Variants in TNFSF11 observed in about 807,000 individuals in gnomAD.
TNFSF11 encodes the protein TNF superfamily member 11, also known as tumor necrosis factor ligand superfamily member 11.
Under a neutral mutation model 32.2 loss-of-function variants are expected in TNFSF11, and 12 were observed. That is an observed-to-expected ratio of 0.37 (90% CI 0.24 to 0.60). The LOEUF is 0.60. Ranked by LOEUF, TNFSF11 falls within the 20% of genes least tolerant of loss-of-function variation. TNFSF11 has a pLI of 0.66. For synonymous variants in TNFSF11, 172 were observed against 152.1 expected (o/e 1.13, Z -0.96); for missense variants, 345 against 398.0 (o/e 0.87, Z 1.13).
chr13:42,586,923 C>T (rs1490902900), intron 2 of TNFSF11, among the ~76,000 whole-genome samples: 1 of 152,146 alleles, frequency 6.6e-6, no homozygotes, highest in Non-Finnish European at 1.5e-5. Flanking sequence ...TCACAATATC[C>T]TCTGATATTA....
Position 42,607,172 on chromosome 13 carries a change from C to A in TNFSF11, c.*254C>A, listed in dbSNP as rs1039171866. On this transcript the variant is annotated 3_prime_UTR_variant, in exon 5 of 5. Transcript: ENST00000398795. The stretch of plus-strand genomic sequence containing the variant: ...TTCCTAGAATTAAACCAGATTGGAG[C>A]AATTACGGGGTGACCTTATGAGAAA... 2.3e-5 allele frequency: 11 copies of A among 475,150 alleles called. No homozygotes were observed. The East Asian group carries it at 4.0e-4, about 17-fold the overall frequency. 29.4% of individuals were successfully genotyped at this position (475,150 alleles called of 1,614,324 possible).
At chr13:42,594,868 A>G (rs1174487801) in intron 2 of TNFSF11, among the ~76,000 whole-genome samples, 3 of 152,278 alleles carry the variant, frequency 2.0e-5, no homozygotes, top group African/African-American at 7.2e-5. Context: ...AATCACATTG[A>G]TCTTTTGTGT....
chr13:42,563,491 T>C (rs1222400347), intron 1 of TNFSF11, among the ~76,000 whole-genome samples: 1 of 152,030 alleles, frequency 6.6e-6, no homozygotes, highest in East Asian at 1.9e-4. Flanking sequence ...GGTAAAACCT[T>C]GTCTCTACCA....
At chr13:42,575,758 A>G (rs1167117737) in intron 1 of TNFSF11, among the ~76,000 whole-genome samples, 2 of 152,164 alleles carry the variant, frequency 1.3e-5, no homozygotes, top group Non-Finnish European at 2.9e-5. Flanking sequence ...AATATAATCT[A>G]CTCATTGAGA....
rs71202227 is a variant in TNFSF11, at chr13:42,583,444, G to GAAAAAAAAAAAAAAAAAA, written c.387+2153_387+2154insAAAAAAAAAAAAAAAAAA. ...AAAAAAAAAAAAAAAAAAAAGAAAG[G>GAAAAAAAAAAAAAAAAAA]AAGAAAGGAAGGAAGGAAAAAGATT... On this transcript the variant is annotated intron_variant, in intron 2 of 4. Transcript: ENST00000398795. Among the ~76,000 whole-genome samples the GAAAAAAAAAAAAAAAAAA allele has an allele frequency of 2.3e-3, 224 of 95,566 alleles. 19 individuals carry two copies. Among genetic ancestry groups the GAAAAAAAAAAAAAAAAAA allele is most frequent in the African/African-American group, 0.01 (216 of 21,482 alleles). 62.7% of individuals were successfully genotyped at this position (95,566 alleles called of 152,430 possible). A position where few individuals can be genotyped will look rare whatever the true frequency, so the allele number is the denominator to read the frequency against.
intron 1 of TNFSF11, among the ~76,000 whole-genome samples, chr13:42,574,725 C>G (rs1262688267): frequency 3.3e-5 from 5 of 152,046 alleles, no homozygotes; most frequent in Non-Finnish European, 7.4e-5. Flanking sequence ...GCTCTCTCTC[C>G]GCCCACGCAC....
intron 2 of TNFSF11, among the ~76,000 whole-genome samples, chr13:42,587,230 T>C (rs113110527): frequency 0.017 from 2,522 of 152,326 alleles, 64 homozygotes; most frequent in African/African-American, 0.057. Flanking sequence ...AGTGGAGACA[T>C]CACTTCCAGT....
chr13:42,604,507 C>T (rs1412269107), intron 4 of TNFSF11, among the ~76,000 whole-genome samples: 1 of 152,160 alleles, frequency 6.6e-6, no homozygotes, highest in Non-Finnish European at 1.5e-5. Context: ...GGATTGGAAC[C>T]ATTGAATTCT....
chr13:42,583,417 T>TAAAAAAAAAAAAAAA (rs71747752), intron 2 of TNFSF11, among the ~76,000 whole-genome samples: 18 of 24,538 alleles, frequency 7.3e-4, no homozygotes, highest in African/African-American at 1.6e-3. Context: ...AAGACCCTGC[T>TAAAAAAAAAAAAAAA]AAAAAAAAAA....
intron 2 of TNFSF11, among the ~76,000 whole-genome samples, chr13:42,584,780 A>T (rs1343322017): frequency 6.6e-6 from 1 of 152,242 alleles, no homozygotes; most frequent in East Asian, 1.9e-4. Flanking sequence ...TCACAGGATG[A>T]GTAGAACTTT....
At chr13:42,599,538 C>T (rs193191958) in intron 2 of TNFSF11, among the ~76,000 whole-genome samples, 2 of 151,828 alleles carry the variant, frequency 1.3e-5, no homozygotes, top group Admixed American at 6.6e-5. Context: ...TTTCAGTATC[C>T]TTATAATAGA....
intron 2 of TNFSF11, among the ~76,000 whole-genome samples, chr13:42,591,710 G>A (rs1033974281): frequency 5.3e-5 from 8 of 152,158 alleles, no homozygotes; most frequent in African/African-American, 1.7e-4. Context: ...GGGGAGGGAG[G>A]AAAGCGAGAG....
intron 2 of TNFSF11, among the ~76,000 whole-genome samples, chr13:42,596,706 T>G (rs1868828971): frequency 1.3e-5 from 2 of 152,210 alleles, no homozygotes; most frequent in Non-Finnish European, 2.9e-5. Flanking sequence ...AAGAGGTTAT[T>G]AAATTTTCAA....
At chr13:42,599,312 T>A (rs1301714616) in intron 2 of TNFSF11, among the ~76,000 whole-genome samples, 1 of 96,630 alleles carries the variant, frequency 1.0e-5, no homozygotes, top group African/African-American at 3.3e-5. Context: ...CCTCTATCTA[T>A]CTATCTATCT....
chr13:42,603,480 A>G (rs1869284452), intron 4 of TNFSF11, among the ~76,000 whole-genome samples: 1 of 152,062 alleles, frequency 6.6e-6, no homozygotes, highest in Non-Finnish European at 1.5e-5. Context: ...TTTACCTGGT[A>G]TTATCTGCTT....
chr13:42,588,391 T>G (rs1301491726), intron 2 of TNFSF11, among the ~76,000 whole-genome samples: 1 of 152,160 alleles, frequency 6.6e-6, no homozygotes, highest in Non-Finnish European at 1.5e-5. Flanking sequence ...TACCCCAGGA[T>G]GGAAGAAAAG....
chr13:42,602,832 A>C (rs1212179103), intron 4 of TNFSF11, among the ~76,000 whole-genome samples: 1 of 152,240 alleles, frequency 6.6e-6, no homozygotes, highest in Non-Finnish European at 1.5e-5. Context: ...ATGGCATATG[A>C]TAAATATTGC....
rs1017672870 is a variant in TNFSF11, at chr13:42,574,170, C to T, written c.-134C>T. On this transcript the variant is annotated 5_prime_UTR_variant, in exon 1 of 5. Coordinates refer to ENST00000398795, the MANE Select transcript of TNFSF11 (RefSeq NM_003701.4). The stretch of plus-strand genomic sequence containing the variant: ...GCGCCCTGCCCGCTCGCCCGCGCGC[C>T]CCAGGACCCAAAGCCGGGCTCCAAG... The T allele has an allele frequency of 5.5e-6, 7 of 1,267,320 alleles. No homozygotes were observed. The highest frequency in any genetic ancestry group is 4.0e-5 in the Admixed American group (2 of 49,638). 78.5% of individuals were successfully genotyped at this position (1,267,320 alleles called of 1,614,324 possible).
intron 4 of TNFSF11, 129 bp from the exon 5 acceptor site, chr13:42,606,368 C>T (rs1298996675): frequency 1.1e-5 from 12 of 1,130,616 alleles, no homozygotes; most frequent in African/African-American, 6.2e-5. Flanking sequence ...AAAAGAAATG[C>T]CAATAAGTTA....
Sources: allele counts gnomAD v4.1 joint callset (sites outside exome capture counted in the v4.1 genomes callset), GRCh38; gene constraint gnomAD v4.1.1; transcripts MANE v1.5; gene names NCBI Gene and HGNC (gene_info 2026-07-23, HGNC 2026-07-21).